PDE4DIP: variants seen among roughly 807,000 people sequenced by gnomAD.
PDE4DIP encodes phosphodiesterase 4D interacting protein.
Under a neutral mutation model 221.4 loss-of-function variants are expected in PDE4DIP, and 59 were observed. The observed-to-expected ratio is 0.27, with a 90% CI of 0.22 to 0.33. The LOEUF is 0.33. Among genes scored for constraint, PDE4DIP ranks in the 10% least tolerant of loss-of-function variants. PDE4DIP has a pLI of 1.00. For synonymous variants in PDE4DIP, 404 were observed against 815.9 expected (o/e 0.50, Z 8.60); for missense variants, 1,036 against 2,154.2 (o/e 0.48, Z 10.28).
At chr1:148,959,084 C>G (rs1357650402) in intron 5 of PDE4DIP, among the ~76,000 whole-genome samples, 2 of 152,164 alleles carry the variant, frequency 1.3e-5, no homozygotes, top group Non-Finnish European at 1.5e-5. Context: ...TTATGCTTTC[C>G]TGTTTTGCCG....
At chr1:148,979,920 CT>C (rs2060809430) in intron 20 of PDE4DIP, 71 bp downstream of exon 23, 1 of 1,542,538 alleles carries the variant, frequency 6.5e-7, no homozygotes, top group African/African-American at 1.4e-5. Context: ...GTATTTATGC[CT>C]TTTATTCTTC....
chr1:148,912,310 G>A (rs2042922893), intron 1 of PDE4DIP, among the ~76,000 whole-genome samples: 1 of 146,248 alleles, frequency 6.8e-6, no homozygotes, highest in African/African-American at 2.6e-5. Context: ...CACTTGCTAT[G>A]TCATTTTAGT....
intron 2 of PDE4DIP, 187 bp downstream of exon 5, chr1:148,929,460 T>A (rs2047360302): frequency 1.3e-6 from 1 of 777,788 alleles, no homozygotes; most frequent in Non-Finnish European, 2.0e-6. Flanking sequence ...CTAGGTCAGA[T>A]GGACCTTGTC....
chr1:148,923,794 T>G (rs2046056415), intron 1 of PDE4DIP, among the ~76,000 whole-genome samples: 1 of 146,130 alleles, frequency 6.8e-6, no homozygotes, highest in Non-Finnish European at 1.5e-5. Context: ...GTATCAGACA[T>G]TGTGCTGGGT....
exon 19 of PDE4DIP, chr1:148,978,287 A>G: frequency 6.2e-7 from 1 of 1,601,436 alleles, no homozygotes; most frequent in South Asian, 1.1e-5. Context: ...GGACCTGCAA[A>G]TGCAACTGGT....
At chr1:148,919,348 G>A (rs190956824) in intron 1 of PDE4DIP, among the ~76,000 whole-genome samples, 2 of 151,508 alleles carry the variant, frequency 1.3e-5, no homozygotes, top group Non-Finnish European at 2.9e-5. Context: ...ACCAGTTTAA[G>A]GTCACACAGG....
In PDE4DIP at chr1:148,978,420, G is replaced by T. The variant is rs768231039; in HGVS notation, c.2574+5G>T. 1.4e-4 allele frequency: 214 copies of T among 1,560,254 alleles called. No individual in the cohort carries two copies. The highest frequency in any genetic ancestry group is 1.7e-4 in the Non-Finnish European group (200 of 1,144,176). On this transcript the variant is annotated splice_donor_5th_base_variant and intron_variant, in intron 19 of 43. Coordinates refer to ENST00000369354, the Ensembl canonical transcript of PDE4DIP. ...TCAGGAAACCGAAGACAACAGGTAAGTTACTGGAATATAAACCTTATTTAT... is the reference window on the plus strand; with the variant it reads ...TCAGGAAACCGAAGACAACAGGTAATTTACTGGAATATAAACCTTATTTAT...
intron 4 of PDE4DIP, among the ~76,000 whole-genome samples, chr1:148,937,212 A>C (rs1553475571): frequency 6.6e-6 from 1 of 152,200 alleles, no homozygotes; most frequent in Non-Finnish European, 1.5e-5. Context: ...CCATCATCAT[A>C]CATGCAGTAT....
At chr1:148,976,069 A>G (rs618097) in intron 17 of PDE4DIP, among the ~76,000 whole-genome samples, 33,413 of 143,382 alleles carry the variant, frequency 0.23, 3,940 homozygotes, top group East Asian at 0.48. Context: ...TACCTTAGCC[A>G]TTATCTGATT....
At chr1:148,971,003 G>T (rs1266834401) in intron 14 of PDE4DIP, among the ~76,000 whole-genome samples, 4 of 151,206 alleles carry the variant, frequency 2.6e-5, no homozygotes, top group Admixed American at 1.3e-4. Context: ...CATCATCTTA[G>T]ACCCTCAGTA....
At chr1:149,015,115 G>A (rs1437328266) in intron 32 of PDE4DIP, among the ~76,000 whole-genome samples, 1 of 152,012 alleles carries the variant, frequency 6.6e-6, no homozygotes, top group Non-Finnish European at 1.5e-5. Context: ...CTAGTATTTT[G>A]CAAATTAGAA....
At chr1:148,971,354 T>C (rs1286897923) in intron 14 of PDE4DIP, among the ~76,000 whole-genome samples, 1 of 150,266 alleles carries the variant, frequency 6.7e-6, no homozygotes, top group East Asian at 1.9e-4. Flanking sequence ...GAGAGATCTA[T>C]TAGATAATGG....
At position 148,933,504 on chromosome 1, in the gene PDE4DIP, G is replaced by A. The variant is rs1194637212; in HGVS notation, c.518+1216G>A. Among the ~76,000 whole-genome samples the A allele has an allele frequency of 2.0e-5, 3 of 152,166 alleles. No individual in the cohort carries two copies. The East Asian group carries it at 5.8e-4, about 29-fold the overall frequency. ...AAATGTCCTCTCCACTTCCAGTCCT[G>A]CTCCTCTCATTCAATCTCAACCTAA... is the stretch of plus-strand genomic sequence containing the variant. On this transcript the variant is annotated intron_variant, in intron 4 of 43. Coordinates refer to ENST00000369354, the Ensembl canonical transcript of PDE4DIP.
At chr1:148,989,503 T>G (rs1553554550) in intron 21 of PDE4DIP, 1 of 240,118 alleles carries the variant, frequency 4.2e-6, no homozygotes, top group South Asian at 8.1e-5. Flanking sequence ...AAGTGTCAGA[T>G]AAAAACCTTC....
chr1:148,989,536 T>G (rs1294012877), intron 21 of PDE4DIP, among the ~76,000 whole-genome samples: 9 of 152,236 alleles, frequency 5.9e-5, no homozygotes, highest in African/African-American at 2.2e-4. Flanking sequence ...AGTCACCCTT[T>G]CCAATTCTCG....
At chr1:148,838,735 G>GA (rs1674250052) in intron 1 of PDE4DIP, among the ~76,000 whole-genome samples, 2 of 103,588 alleles carry the variant, frequency 1.9e-5, no homozygotes, top group Non-Finnish European at 4.3e-5. Flanking sequence ...AAATTCTGCT[G>GA]AAAATCTCCT....
At chr1:148,820,830 ATTATTTAT>A (rs56760360) in intron 1 of PDE4DIP, among the ~76,000 whole-genome samples, 6,690 of 111,934 alleles carry the variant, frequency 0.06, 71 homozygotes, top group East Asian at 0.24. Flanking sequence ...GGATGATCTG[ATTATTTAT>A]TTATTTATTT....
intron 33 of PDE4DIP, 145 bp downstream of exon 36, chr1:149,016,695 C>T: frequency 2.2e-6 from 1 of 462,394 alleles, no homozygotes; most frequent in Non-Finnish European, 3.9e-6. Flanking sequence ...TATCAGGGCT[C>T]AATCCTTTCC....
At chr1:148,890,202 A>AGCTGGTT (rs1553435397) in intron 1 of PDE4DIP, among the ~76,000 whole-genome samples, 421 of 47,758 alleles carry the variant, frequency 8.8e-3, no homozygotes, top group South Asian at 0.026. Flanking sequence ...TAAAATGTAG[A>AGCTGGTT]TTCCATGCCT....
Sources: allele counts gnomAD v4.1 joint callset (sites outside exome capture counted in the v4.1 genomes callset), GRCh38; gene constraint gnomAD v4.1.1; transcripts MANE v1.5; gene names NCBI Gene and HGNC (gene_info 2026-07-23, HGNC 2026-07-21).